AGBL4: variants seen among roughly 807,000 people sequenced by gnomAD.
The protein encoded by AGBL4 is AGBL carboxypeptidase 4.
A neutral mutation model predicts 66.4 loss-of-function variants in AGBL4; 58 were observed. The observed-to-expected ratio is 0.87, with a 90% CI of 0.71 to 1.09. The LOEUF (loss-of-function observed/expected upper bound fraction) is 1.09, where lower values mean the gene tolerates loss of function less well. Among genes scored for constraint, AGBL4 ranks in the 50% least tolerant of loss-of-function variants. AGBL4 has a pLI of 0.00. For synonymous variants in AGBL4, 234 were observed against 222.9 expected (o/e 1.05, Z -0.44); for missense variants, 579 against 631.0 (o/e 0.92, Z 0.88).
intron 2 of AGBL4, among the ~76,000 whole-genome samples, chr1:49,758,893 G>C (rs984481364): frequency 6.6e-6 from 1 of 152,032 alleles, no homozygotes; most frequent in Admixed American, 6.6e-5. Flanking sequence ...CAATGATATG[G>C]TTGGTTCTGT....
At chr1:49,117,051 C>T (rs1284056889) in intron 4 of AGBL4, among the ~76,000 whole-genome samples, 1 of 151,236 alleles carries the variant, frequency 6.6e-6, no homozygotes, top group Non-Finnish European at 1.5e-5. Flanking sequence ...ATCCTTTGCC[C>T]ACTTTTTGAT....
At chr1:49,047,048 G>A (rs1224456443) in intron 4 of AGBL4, among the ~76,000 whole-genome samples, 1 of 152,152 alleles carries the variant, frequency 6.6e-6, no homozygotes, top group Non-Finnish European at 1.5e-5. Flanking sequence ...AGATAGAACA[G>A]AGCATTATAA....
chr1:49,469,605 T>A (rs1230608444), intron 3 of AGBL4, among the ~76,000 whole-genome samples: 1 of 151,908 alleles, frequency 6.6e-6, no homozygotes, highest in Non-Finnish European at 1.5e-5. Flanking sequence ...CTTTCTGACA[T>A]CTCATAAGAC....
chr1:49,263,558 G>A (rs1196083748), intron 3 of AGBL4, among the ~76,000 whole-genome samples: 1 of 152,056 alleles, frequency 6.6e-6, no homozygotes, highest in Non-Finnish European at 1.5e-5. Context: ...ACTAGCAGTT[G>A]AGGAAATATA....
intron 3 of AGBL4, among the ~76,000 whole-genome samples, chr1:49,528,428 C>T (rs1427633114): frequency 2.0e-5 from 3 of 152,086 alleles, no homozygotes; most frequent in African/African-American, 4.8e-5. Context: ...GTGTCCCCAA[C>T]TGTTCCAAGA....
chr1:49,746,321 A>C (rs897417826), intron 2 of AGBL4, among the ~76,000 whole-genome samples: 6 of 152,022 alleles, frequency 3.9e-5, no homozygotes, highest in Non-Finnish European at 7.4e-5. Context: ...CCACATGATA[A>C]AACTCTAAAT....
At chr1:49,617,904 T>A (rs963079029) in intron 3 of AGBL4, among the ~76,000 whole-genome samples, 2 of 152,208 alleles carry the variant, frequency 1.3e-5, no homozygotes, top group African/African-American at 4.8e-5. Flanking sequence ...GTGCAGAACA[T>A]GCAGGTTTGT....
chr1:49,211,947 A>G (rs1648701516), intron 4 of AGBL4, among the ~76,000 whole-genome samples: 1 of 152,082 alleles, frequency 6.6e-6, no homozygotes, highest in Non-Finnish European at 1.5e-5. Flanking sequence ...ATGAACTAGA[A>G]GCTTTACATG....
At chr1:49,502,712 T>C (rs1648279668) in intron 3 of AGBL4, among the ~76,000 whole-genome samples, 1 of 152,004 alleles carries the variant, frequency 6.6e-6, no homozygotes, top group African/African-American at 2.4e-5. Flanking sequence ...GGAATAAAGG[T>C]GACTCTTGCT....
chr1:48,738,253 G>C (rs1015536701), intron 6 of AGBL4, among the ~76,000 whole-genome samples: 1 of 152,256 alleles, frequency 6.6e-6, no homozygotes. Flanking sequence ...CTACCTGCAC[G>C]TCTGACTTCA....
At chr1:48,795,497 T>C (rs1645653165) in intron 6 of AGBL4, among the ~76,000 whole-genome samples, 2 of 152,198 alleles carry the variant, frequency 1.3e-5, no homozygotes, top group Non-Finnish European at 2.9e-5. Flanking sequence ...TAATCGAGAG[T>C]TATCCTGTAT....
intron 11 of AGBL4, among the ~76,000 whole-genome samples, chr1:48,568,851 A>G (rs764625235): frequency 1.3e-5 from 2 of 152,096 alleles, no homozygotes; most frequent in African/African-American, 2.4e-5. Context: ...GGGTACTCTT[A>G]TTAATAGTAA....
chr1:50,003,595 C>T (rs994881467), intron 1 of AGBL4, among the ~76,000 whole-genome samples: 1 of 152,098 alleles, frequency 6.6e-6, no homozygotes, highest in Non-Finnish European at 1.5e-5. Flanking sequence ...AATTTTAGAA[C>T]TGAAATCCCC....
chr1:49,401,898 T>C (rs1645093695), intron 3 of AGBL4, among the ~76,000 whole-genome samples: 1 of 152,210 alleles, frequency 6.6e-6, no homozygotes, highest in Non-Finnish European at 1.5e-5. Context: ...TCTTCAAGTT[T>C]CAATACTTAT....
intron 12 of AGBL4, among the ~76,000 whole-genome samples, chr1:48,537,931 C>T (rs1265134245): frequency 6.6e-6 from 1 of 152,248 alleles, no homozygotes; most frequent in Non-Finnish European, 1.5e-5. Flanking sequence ...CATCCCAGCA[C>T]TTCCCTCCTG....
intron 6 of AGBL4, among the ~76,000 whole-genome samples, chr1:48,799,478 C>T (rs1645762445): frequency 6.6e-6 from 1 of 152,038 alleles, no homozygotes; most frequent in Non-Finnish European, 1.5e-5. Context: ...GATTTGGATG[C>T]CTTTTATTTC....
chr1:49,011,888 G>C (rs1358714594), intron 5 of AGBL4, among the ~76,000 whole-genome samples: 2 of 24,446 alleles, frequency 8.2e-5, no homozygotes, highest in African/African-American at 2.0e-4. Flanking sequence ...TTGTGGGGTG[G>C]GGGGTGGGGG....
At chr1:49,268,924 C>T (rs541064293) in intron 3 of AGBL4, 2 of 152,326 alleles carry the variant, frequency 1.3e-5, no homozygotes, top group East Asian at 1.9e-4. Context: ...CTCCTCCCAT[C>T]AAAAGGTGAC....
chr1:49,706,973 C>A (rs1378328255), intron 2 of AGBL4, among the ~76,000 whole-genome samples: 1 of 152,140 alleles, frequency 6.6e-6, no homozygotes, highest in Non-Finnish European at 1.5e-5. Flanking sequence ...ATTAAGTGGG[C>A]AATTCTAGAA....
Sources: allele counts gnomAD v4.1 joint callset (sites outside exome capture counted in the v4.1 genomes callset), GRCh38; gene constraint gnomAD v4.1.1; transcripts MANE v1.5; gene names NCBI Gene and HGNC (gene_info 2026-07-23, HGNC 2026-07-21).